The following TTC28 variants were observed in gnomAD, a reference collection of about 807,000 sequenced individuals.
TTC28 encodes the protein tetratricopeptide repeat protein 28.
A neutral mutation model predicts 198.0 loss-of-function variants in TTC28; 61 were observed. The observed-to-expected ratio is 0.31, with a 90% CI of 0.25 to 0.38. The LOEUF is 0.38. Among genes scored for constraint, TTC28 ranks in the 10% least tolerant of loss-of-function variants. The pLI is 1.00. For synonymous variants in TTC28, 1,171 were observed against 1,297.8 expected (o/e 0.90, Z 2.10); for missense variants, 2,678 against 3,164.0 (o/e 0.85, Z 3.69).
chr22:28,137,038 G>T (rs1398262484), intron 6 of TTC28, among the ~76,000 whole-genome samples: 2 of 152,184 alleles, frequency 1.3e-5, no homozygotes, highest in Non-Finnish European at 1.5e-5. Context: ...AAAGACACAT[G>T]TGACTCTTAA....
At chr22:28,482,760 C>T (rs1372658270) in intron 2 of TTC28, among the ~76,000 whole-genome samples, 1 of 152,096 alleles carries the variant, frequency 6.6e-6, no homozygotes, top group Non-Finnish European at 1.5e-5. Context: ...TGGAAACCAC[C>T]AATTCACATT....
intron 5 of TTC28, among the ~76,000 whole-genome samples, chr22:28,258,670 G>A (rs9625441): frequency 0.083 from 12,557 of 152,082 alleles, 623 homozygotes; most frequent in Non-Finnish European, 0.096. Context: ...CTTTACAGAA[G>A]AGGGAATTCA....
chr22:28,106,723 C>T (rs539536339), intron 7 of TTC28, among the ~76,000 whole-genome samples: 3 of 152,268 alleles, frequency 2.0e-5, no homozygotes, highest in Middle Eastern at 3.4e-3. Flanking sequence ...GAAAGTGACT[C>T]GTTCACCTTC....
chr22:28,585,984 A>G (rs2050310194), intron 2 of TTC28, among the ~76,000 whole-genome samples: 1 of 152,084 alleles, frequency 6.6e-6, no homozygotes, highest in Non-Finnish European at 1.5e-5. Flanking sequence ...AATTAAAAAA[A>G]AAAAAAGAAG....
intron 2 of TTC28, among the ~76,000 whole-genome samples, chr22:28,421,364 T>C (rs1439733000): frequency 6.6e-6 from 1 of 152,218 alleles, no homozygotes; most frequent in African/African-American, 2.4e-5. Context: ...GTGAAATCTT[T>C]ACAAAGAATT....
At chr22:28,077,261 C>T (rs75487027) in intron 12 of TTC28, among the ~76,000 whole-genome samples, 1,584 of 152,230 alleles carry the variant, frequency 0.01, 29 homozygotes, top group African/African-American at 0.036. Flanking sequence ...GATATTACAC[C>T]TCAAGTGTAA....
At chr22:28,197,435 A>G (rs9625430) in intron 5 of TTC28, among the ~76,000 whole-genome samples, 8,845 of 152,100 alleles carry the variant, frequency 0.058, 371 homozygotes, top group Non-Finnish European at 0.083. Context: ...ATAATAATAA[A>G]AAAAGGAATA....
chr22:28,345,270 T>C (rs944952042), intron 2 of TTC28, among the ~76,000 whole-genome samples: 2 of 152,196 alleles, frequency 1.3e-5, no homozygotes, highest in African/African-American at 4.8e-5. Context: ...AATAAAGTTC[T>C]AGTTAATAGA....
At chr22:28,195,669 G>C (rs893654464) in intron 5 of TTC28, among the ~76,000 whole-genome samples, 2 of 80,956 alleles carry the variant, frequency 2.5e-5, no homozygotes, top group African/African-American at 9.9e-5. Flanking sequence ...CAAATCATGA[G>C]TGAACTCCCA....
At chr22:28,571,284 T>A (rs1286579854) in intron 2 of TTC28, among the ~76,000 whole-genome samples, 1 of 152,226 alleles carries the variant, frequency 6.6e-6, no homozygotes, top group Non-Finnish European at 1.5e-5. Context: ...GTATATCTAT[T>A]CTCACAGAGA....
At chr22:28,640,324 G>A (rs1473380016) in intron 1 of TTC28, among the ~76,000 whole-genome samples, 6 of 129,336 alleles carry the variant, frequency 4.6e-5, no homozygotes, top group Admixed American at 3.1e-4. Context: ...GGGGGGGGGG[G>A]AAAGATGAGC....
chr22:28,519,716 C>A (rs1002895553), intron 2 of TTC28, among the ~76,000 whole-genome samples: 1 of 152,214 alleles, frequency 6.6e-6, no homozygotes, highest in African/African-American at 2.4e-5. Flanking sequence ...TATAAAATTA[C>A]TGCCTTAAAG....
chr22:28,570,138 A>C (rs191589697), intron 2 of TTC28, among the ~76,000 whole-genome samples: 1 of 152,350 alleles, frequency 6.6e-6, no homozygotes, highest in East Asian at 1.9e-4. Flanking sequence ...GGCACTATGC[A>C]AAGCAGTTTG....
intron 2 of TTC28, among the ~76,000 whole-genome samples, chr22:28,338,306 C>T (rs1029193405): frequency 6.6e-6 from 1 of 152,090 alleles, no homozygotes; most frequent in African/African-American, 2.4e-5. Context: ...GTGAATCTGA[C>T]AATTATGTGT....
chr22:28,602,982 C>T (rs1191682250), intron 2 of TTC28, among the ~76,000 whole-genome samples: 1 of 152,224 alleles, frequency 6.6e-6, no homozygotes, highest in African/African-American at 2.4e-5. Flanking sequence ...CGGGTTCCAG[C>T]GATTCTCCTG....
intron 2 of TTC28, among the ~76,000 whole-genome samples, chr22:28,508,827 G>A (rs1004239007): frequency 6.6e-6 from 1 of 151,922 alleles, no homozygotes. Context: ...TCATCGAGAC[G>A]GAAAATTAAC....
At chr22:28,010,493 C>T (rs1462380799) in intron 14 of TTC28, among the ~76,000 whole-genome samples, 4 of 152,194 alleles carry the variant, frequency 2.6e-5, no homozygotes, top group African/African-American at 9.7e-5. Context: ...TGGGTCAAGG[C>T]AGGGCCACCT....
intron 1 of TTC28, among the ~76,000 whole-genome samples, chr22:28,671,134 G>T (rs118037283): frequency 6.6e-6 from 1 of 151,876 alleles, no homozygotes; most frequent in African/African-American, 2.4e-5. Flanking sequence ...TTGTAGAGAA[G>T]AGGTGTTACT....
chr22:28,479,224 C>G (rs1286931563), intron 2 of TTC28, among the ~76,000 whole-genome samples: 2 of 152,170 alleles, frequency 1.3e-5, no homozygotes, highest in Admixed American at 6.5e-5. Flanking sequence ...TGCAGAGTAG[C>G]AAGCTAACCC....
Sources: allele counts gnomAD v4.1 joint callset (sites outside exome capture counted in the v4.1 genomes callset), GRCh38; gene constraint gnomAD v4.1.1; transcripts MANE v1.5; gene names NCBI Gene and HGNC (gene_info 2026-07-23, HGNC 2026-07-21).